RSRC1: variants seen among roughly 807,000 people sequenced by gnomAD.
RSRC1 encodes serine/Arginine-related protein 53.
A neutral mutation model predicts 49.1 loss-of-function variants in RSRC1; 39 were observed. That is an observed-to-expected ratio of 0.79 (90% CI 0.61 to 1.04). RSRC1 has a LOEUF of 1.04. RSRC1 is among the 50% of genes least tolerant of loss of function. RSRC1 has a pLI of 0.00. For missense variants in RSRC1, 388 were observed against 402.4 expected (o/e 0.96, Z 0.31); for synonymous variants, 143 against 130.8 (o/e 1.09, Z -0.63).
intron 6 of RSRC1, among the ~76,000 whole-genome samples, chr3:158,412,009 A>G (rs1458283786): frequency 2.0e-5 from 3 of 152,170 alleles, no homozygotes; most frequent in Non-Finnish European, 4.4e-5. Context: ...GTTGTAAGCC[A>G]TTGATATCTT....
At chr3:158,397,009 C>T (rs1293606141) in intron 6 of RSRC1, among the ~76,000 whole-genome samples, 1 of 152,094 alleles carries the variant, frequency 6.6e-6, no homozygotes, top group Non-Finnish European at 1.5e-5. Flanking sequence ...CAGTGATGCT[C>T]ATTATTTTAC....
At chr3:158,323,373 G>T (rs1728872273) in intron 5 of RSRC1, among the ~76,000 whole-genome samples, 1 of 152,168 alleles carries the variant, frequency 6.6e-6, no homozygotes, top group African/African-American at 2.4e-5. Flanking sequence ...GTCAGGGCAG[G>T]ATCTTTGTGA....
At chr3:158,332,126 A>G (rs1364523940) in intron 5 of RSRC1, among the ~76,000 whole-genome samples, 1 of 152,144 alleles carries the variant, frequency 6.6e-6, no homozygotes, top group African/African-American at 2.4e-5. Context: ...TGTATTCATT[A>G]TATATATTTA....
At chr3:158,174,973 C>T (rs1391656035) in intron 3 of RSRC1, among the ~76,000 whole-genome samples, 2 of 152,048 alleles carry the variant, frequency 1.3e-5, no homozygotes, top group South Asian at 4.1e-4. Flanking sequence ...TACATCCCTG[C>T]CAACATTTGC....
intron 3 of RSRC1, chr3:158,131,961 T>C: frequency 4.9e-6 from 1 of 204,884 alleles, no homozygotes; most frequent in Non-Finnish European, 1.1e-5. Flanking sequence ...ATGCTATTGT[T>C]TTCTTTAGAA....
chr3:158,217,042 T>C (rs1284396938), intron 4 of RSRC1, among the ~76,000 whole-genome samples: 1 of 151,722 alleles, frequency 6.6e-6, no homozygotes, highest in East Asian at 1.9e-4. Flanking sequence ...ATCTATACAG[T>C]TGCCTGTTGG....
chr3:158,439,802 T>C (rs1736277326), intron 6 of RSRC1, among the ~76,000 whole-genome samples: 1 of 151,848 alleles, frequency 6.6e-6, no homozygotes, highest in Non-Finnish European at 1.5e-5. Context: ...ACCCTAGAAC[T>C]TGAAGTACAA....
At chr3:158,232,543 A>T (rs1366437488) in intron 4 of RSRC1, among the ~76,000 whole-genome samples, 1 of 152,172 alleles carries the variant, frequency 6.6e-6, no homozygotes, top group Non-Finnish European at 1.5e-5. Flanking sequence ...TTCTATAAAC[A>T]AGTATATAGA....
intron 4 of RSRC1, among the ~76,000 whole-genome samples, chr3:158,281,605 A>G (rs996370268): frequency 9.8e-5 from 15 of 152,286 alleles, no homozygotes; most frequent in Admixed American, 2.0e-4. Context: ...AGAAAACCTG[A>G]ACGATATAAT....
In RSRC1 at chr3:158,545,578, C is replaced by G. The variant is rs897779220; in HGVS notation, c.*1303C>G. On this transcript the variant is annotated 3_prime_UTR_variant, in exon 10 of 10. Transcript: ENST00000611884. ...TTCTGGGACATTAAAATTCAAATCTCTGTTGAAAATGAAAAATGTAAAACT... is the reference window on the plus strand; with the variant it reads ...TTCTGGGACATTAAAATTCAAATCTGTGTTGAAAATGAAAAATGTAAAACT... 3.1e-4 allele frequency: 47 copies of G among 152,188 alleles called. 1 individual carries two copies. The highest frequency in any genetic ancestry group is 1.1e-3 in the African/African-American group (45 of 41,538). The allele number at this position is 152,188 out of a possible 1,614,324, so 9.4% of individuals were successfully genotyped here. A position where few individuals can be genotyped will look rare whatever the true frequency, so the allele number is the denominator to read the frequency against.
chr3:158,407,655 A>T (rs575261233), intron 6 of RSRC1, among the ~76,000 whole-genome samples: 22 of 152,164 alleles, frequency 1.4e-4, no homozygotes, highest in Non-Finnish European at 2.9e-4. Flanking sequence ...AAAATAAAGG[A>T]GACAGATTTA....
At chr3:158,432,763 CATA>C (rs1239977909) in intron 6 of RSRC1, among the ~76,000 whole-genome samples, 2 of 151,900 alleles carry the variant, frequency 1.3e-5, no homozygotes, top group South Asian at 2.1e-4. Flanking sequence ...ACATATTTCT[CATA>C]ATATCAGGCA....
chr3:158,482,517 T>G (rs919980818), intron 7 of RSRC1, among the ~76,000 whole-genome samples: 1 of 152,026 alleles, frequency 6.6e-6, no homozygotes, highest in African/African-American at 2.4e-5. Flanking sequence ...AAGCTTCTGT[T>G]TCATTGTAGT....
intron 4 of RSRC1, among the ~76,000 whole-genome samples, chr3:158,285,776 C>G (rs986146205): frequency 6.6e-6 from 1 of 152,112 alleles, no homozygotes; most frequent in East Asian, 1.9e-4. Context: ...TGCTTATCAG[C>G]TTAAGGATAT....
At chr3:158,367,247 A>T (rs984435223) in intron 6 of RSRC1, among the ~76,000 whole-genome samples, 3 of 152,136 alleles carry the variant, frequency 2.0e-5, no homozygotes, top group Admixed American at 2.0e-4. Context: ...GCTTTTGCCC[A>T]TTCAGTATGA....
chr3:158,342,669 A>G (rs936592916), intron 5 of RSRC1, among the ~76,000 whole-genome samples: 3 of 152,212 alleles, frequency 2.0e-5, no homozygotes, highest in African/African-American at 7.2e-5. Flanking sequence ...TTTCCTTCAC[A>G]AGATTCTTGT....
intron 5 of RSRC1, 38 bp from the exon 6 acceptor site, chr3:158,354,819 G>A: frequency 6.7e-7 from 1 of 1,499,672 alleles, no homozygotes; most frequent in Non-Finnish European, 9.0e-7. Context: ...ACCTGTAAAA[G>A]TCTTGTATGG....
intron 6 of RSRC1, among the ~76,000 whole-genome samples, chr3:158,398,136 T>A (rs960672531): frequency 1.3e-5 from 2 of 152,072 alleles, no homozygotes; most frequent in African/African-American, 4.8e-5. Flanking sequence ...GAGGGGTATG[T>A]CAGGCTCAGG....
chr3:158,370,239 G>C (rs1731992745), intron 6 of RSRC1, among the ~76,000 whole-genome samples: 1 of 151,924 alleles, frequency 6.6e-6, no homozygotes, highest in Non-Finnish European at 1.5e-5. Flanking sequence ...GTTATGAAGA[G>C]AAACTGAAGA....
Sources: gnomAD v4.1 joint callset for allele counts (sites outside exome capture counted in the v4.1 genomes callset) on GRCh38, gnomAD v4.1.1 for gene constraint, MANE v1.5 for transcripts, NCBI Gene and HGNC (gene_info 2026-07-23, HGNC 2026-07-21) for gene names.